The following FOXN4 variants were observed in gnomAD, a reference collection of about 807,000 sequenced individuals.
The protein encoded by FOXN4 is forkhead box N4.
In FOXN4, 12 loss-of-function variants were observed where a neutral mutation model predicts 45.0. The ratio of observed to expected loss-of-function variants is 0.27; its 90% CI spans 0.17 to 0.43. FOXN4 has a LOEUF of 0.43. Ranked by LOEUF, FOXN4 falls within the 20% of genes least tolerant of loss-of-function variation. The pLI, the probability that FOXN4 is intolerant of heterozygous loss-of-function variation, is 1.00. For synonymous variants in FOXN4, 297 were observed against 295.0 expected, an observed-to-expected ratio of 1.01 and a Z score of -0.07; for missense variants, 560 against 694.9, an observed-to-expected ratio of 0.81 and a Z score of 2.18.
chr12:109,301,883 C>T (rs1180343190), intron 2 of FOXN4, among the ~76,000 whole-genome samples: 4 of 151,606 alleles, frequency 2.6e-5, no homozygotes, highest in African/African-American at 9.8e-5. Context: ...GAAGAGTCCT[C>T]AGCCCAGCCC....
Position 109,290,384 on chromosome 12 carries a change from A to C in FOXN4, c.87-98T>G. 1.4e-6 allele frequency: 2 copies of C among 1,408,980 alleles called. No individual in the cohort carries two copies. Among genetic ancestry groups the C allele is most frequent in the Non-Finnish European group, 1.9e-6 (2 of 1,062,538 alleles). 87.3% of individuals were successfully genotyped at this position (1,408,980 alleles called of 1,614,324 possible). A position where few individuals can be genotyped will look rare whatever the true frequency, so the allele number is the denominator to read the frequency against. On this transcript the variant is annotated intron_variant, in intron 2 of 9. Transcript: ENST00000299162. This position sits in a 1 kb window ranked among gnomAD's most constrained non-coding sequence, Gnocchi z 5.1. ...TGGAAGCACCCGCTTAATGTGCCTC[A>C]TCTCCCCAAGCCACGCCAGCCCTCC... is the stretch of plus-strand genomic sequence containing the variant.
chr12:109,303,339 T>G, intron 2 of FOXN4, among the ~76,000 whole-genome samples: 1 of 152,248 alleles, frequency 6.6e-6, no homozygotes, highest in Non-Finnish European at 1.5e-5. Context: ...TGAAGCCACC[T>G]GATATGGGTT....
chr12:109,301,044 T>C (rs2047864437), intron 2 of FOXN4, among the ~76,000 whole-genome samples: 1 of 152,200 alleles, frequency 6.6e-6, no homozygotes, highest in Non-Finnish European at 1.5e-5. Flanking sequence ...ATGGCTTCCA[T>C]CCTACGCTGA....
chr12:109,282,434 C>G (rs747384976), intron 8 of FOXN4, among the ~76,000 whole-genome samples: 5 of 151,908 alleles, frequency 3.3e-5, no homozygotes, highest in Non-Finnish European at 5.9e-5. Flanking sequence ...GGTGATAGAG[C>G]AAGACCCTGC....
chr12:109,306,580 G>A (rs2047923935), intron 2 of FOXN4, among the ~76,000 whole-genome samples: 1 of 152,184 alleles, frequency 6.6e-6, no homozygotes, highest in Admixed American at 6.5e-5. Flanking sequence ...TGCCTTCATA[G>A]ATAATATGAT....
chr12:109,283,359 T>C (rs758770869), intron 8 of FOXN4, among the ~76,000 whole-genome samples: 1 of 152,150 alleles, frequency 6.6e-6, no homozygotes, highest in Non-Finnish European at 1.5e-5. Flanking sequence ...ACTCGCTCTC[T>C]CTCAGATACA....
chr12:109,292,728 C>A (rs1012018496), intron 2 of FOXN4, among the ~76,000 whole-genome samples: 7 of 152,266 alleles, frequency 4.6e-5, no homozygotes, highest in African/African-American at 1.7e-4. Context: ...CACCGACATG[C>A]CCCGGCCACT....
rs1376016839 is a variant in FOXN4 at position 109,309,217 on chromosome 12, A to G, written c.-102T>C. The stretch of plus-strand genomic sequence containing the variant: ...TCGCGCTCGCCCCTCGCGTTCCGCA[A>G]TTTGGCCGCCGTCGCAGCTCGAACC... On this transcript the variant is annotated 5_prime_UTR_variant, in exon 1 of 10. Coordinates refer to ENST00000299162, the MANE Select transcript of FOXN4 (RefSeq NM_213596.3). The surrounding 1 kb of genome is among the most constrained non-coding windows in gnomAD (Gnocchi z 5.0). 6.6e-6 allele frequency: 1 copy of G among 152,082 alleles called. No individual in the cohort carries two copies. The highest frequency in any genetic ancestry group is 1.5e-5 in the Non-Finnish European group (1 of 68,024). The allele number at this position is 152,082 out of a possible 1,614,324, so 9.4% of individuals were successfully genotyped here.
Position 109,290,318 on chromosome 12 carries a change from G to T in FOXN4, c.87-32C>A. On this transcript the variant is annotated intron_variant, in intron 2 of 9. Transcript: ENST00000299162. The surrounding 1 kb of genome is among the most constrained non-coding windows in gnomAD (Gnocchi z 5.1). Reference sequence around the variant, plus strand: ...AGAGGAACAGAGAACTCGGGCGGGAGGGGGAGCTTAGGCCAGCTCCTGGGG... The same window carrying T: ...AGAGGAACAGAGAACTCGGGCGGGATGGGGAGCTTAGGCCAGCTCCTGGGG... 1.3e-6 allele frequency: 2 copies of T among 1,519,888 alleles called. No individual in the cohort carries two copies. The highest frequency in any genetic ancestry group is 1.3e-5 in the South Asian group (1 of 79,218). 94.2% of individuals were successfully genotyped at this position (1,519,888 alleles called of 1,614,324 possible). A position where few individuals can be genotyped will look rare whatever the true frequency, so the allele number is the denominator to read the frequency against.
At chr12:109,285,178 G>T in intron 8 of FOXN4, 126 bp downstream of exon 8, 2 of 1,112,774 alleles carry the variant, frequency 1.8e-6, no homozygotes, top group Non-Finnish European at 2.6e-6. Flanking sequence ...GTGTGCGCGT[G>T]CGTATGCATC....
intron 2 of FOXN4, among the ~76,000 whole-genome samples, chr12:109,304,292 A>AAAG (rs1566005745): frequency 7.0e-4 from 32 of 45,564 alleles, no homozygotes; most frequent in African/African-American, 3.3e-3. Context: ...AGAAAGAAAG[A>AAAG]AAGGAGAAAG....
At position 109,279,575 on chromosome 12, in the gene FOXN4, G is replaced by C. The variant is rs1160830637; in HGVS notation, c.*96C>G. On this transcript the variant is annotated 3_prime_UTR_variant, in exon 10 of 10. Transcript: ENST00000299162. ...GCCACAGGTCCAGGAGAGGCTTCGG[G>C]GACAATGAGGGACCTGCCTTCTGGG... 1.8e-5 allele frequency: 27 copies of C among 1,507,978 alleles called. No homozygotes were observed. Among genetic ancestry groups the C allele is most frequent in the Non-Finnish European group, 2.4e-5 (27 of 1,122,370 alleles). 93.4% of individuals were successfully genotyped at this position (1,507,978 alleles called of 1,614,324 possible).
At chr12:109,302,215 A>G (rs151201010) in intron 2 of FOXN4, among the ~76,000 whole-genome samples, 50 of 152,280 alleles carry the variant, frequency 3.3e-4, no homozygotes, top group Non-Finnish European at 4.9e-4. Flanking sequence ...TGTCCCCCCA[A>G]TGTGAACTGG....
intron 2 of FOXN4, among the ~76,000 whole-genome samples, chr12:109,294,347 G>A (rs1360387899): frequency 2.0e-5 from 3 of 152,118 alleles, no homozygotes; most frequent in Non-Finnish European, 4.4e-5. Context: ...GGTCCCTGGG[G>A]CTCCAATCCC....
At chr12:109,283,040 T>TGCTA (rs2047667815) in intron 8 of FOXN4, among the ~76,000 whole-genome samples, 1 of 152,052 alleles carries the variant, frequency 6.6e-6, no homozygotes. Context: ...CAAGCCACAC[T>TGCTA]GCTAGCCCCA....
chr12:109,284,685 T>G (rs1682669010), intron 8 of FOXN4, among the ~76,000 whole-genome samples: 1 of 151,088 alleles, frequency 6.6e-6, no homozygotes, highest in Non-Finnish European at 1.5e-5. Context: ...TGTGTGTGTG[T>G]GCATCCAGGC....
chr12:109,305,319 C>T (rs1252793254), intron 2 of FOXN4, among the ~76,000 whole-genome samples: 1 of 152,148 alleles, frequency 6.6e-6, no homozygotes, highest in East Asian at 1.9e-4. Flanking sequence ...TGCCAAAAGC[C>T]AAGAGCACAG....
At chr12:109,300,756 T>A (rs1489338006) in intron 2 of FOXN4, among the ~76,000 whole-genome samples, 1 of 151,916 alleles carries the variant, frequency 6.6e-6, no homozygotes, top group Non-Finnish European at 1.5e-5. Flanking sequence ...AAACATTTTT[T>A]AAATTAGCCA....
chr12:109,280,038 T>A, intron 9 of FOXN4, 108 bp from the exon 10 acceptor site: 1 of 1,492,288 alleles, frequency 6.7e-7, no homozygotes, highest in Non-Finnish European at 9.1e-7. Flanking sequence ...GTCTAAGTCA[T>A]GTGTTGTAGA....
Sources: allele counts gnomAD v4.1 joint callset (sites outside exome capture counted in the v4.1 genomes callset), GRCh38; gene constraint gnomAD v4.1.1; non-coding constraint Gnocchi (gnomAD v3.1); transcripts MANE v1.5; gene names NCBI Gene and HGNC (gene_info 2026-07-23, HGNC 2026-07-21).